Variants in LRRFIP1 observed in about 807,000 individuals in gnomAD.
The protein encoded by LRRFIP1 is LRR binding FLII interacting protein 1, also known as leucine-rich repeat flightless-interacting protein 1.
In LRRFIP1, 62 loss-of-function variants were observed where a neutral mutation model predicts 104.4. That is an observed-to-expected ratio of 0.59 (90% CI 0.48 to 0.73). LRRFIP1 has a LOEUF of 0.73. LRRFIP1 is among the 30% of genes least tolerant of loss of function. The pLI, the probability that LRRFIP1 is intolerant of heterozygous loss-of-function variation, is 0.00. For synonymous variants in LRRFIP1, 300 were observed against 299.0 expected (o/e 1.00, Z -0.03); for missense variants, 796 against 824.5 (o/e 0.97, Z 0.42).
chr2:237,627,703 C>T lies in LRRFIP1; in HGVS notation c.59C>T (p.Thr20Met), dbSNP rs1197080349. Residue 20 changes from threonine (T) to methionine (M), a missense_variant, in exon 1 of 24, where the codon ACG becomes ATG. By Grantham distance (81) the Thr-to-Met change is moderately conservative. Transcript: ENST00000308482. ...CGGCTCCCCAACCGGGAGCGGCTCA[C>T]GGCGGAGGACGACGCGCTCAACCAG... Reference protein sequence around the residue: ...RKRLPNRERLTAEDDALNQIA... With the variant: ...RKRLPNRERLMAEDDALNQIA... The T allele has an allele frequency of 5.1e-6, 7 of 1,367,100 alleles. No individual in the cohort carries two copies. Among genetic ancestry groups the T allele is most frequent in the South Asian group, 1.5e-5 (1 of 65,930 alleles). The allele number at this position is 1,367,100 out of a possible 1,614,324, so 84.7% of individuals were successfully genotyped here.
rs1474912434 is a variant in LRRFIP1, at chr2:237,738,490, G to A, written c.556-742G>A. On this transcript the variant is annotated intron_variant, in intron 10 of 23. Coordinates refer to ENST00000308482, the MANE Select transcript of LRRFIP1 (RefSeq NM_001137550.2). ...TTGAAGATGCTCCTCAGGACATGTC[G>A]GGATCCTAAATAGTGTTCAAATCCT... 2.6e-5 allele frequency among the ~76,000 whole-genome samples: 4 copies of A among 152,126 alleles called. No homozygotes were observed. The East Asian group carries it at 5.8e-4, about 22-fold the overall frequency.
intron 8 of LRRFIP1, among the ~76,000 whole-genome samples, chr2:237,730,937 C>T (rs957410313): frequency 1.3e-5 from 2 of 152,024 alleles, no homozygotes; most frequent in Non-Finnish European, 2.9e-5. Context: ...AACAAACAAA[C>T]AAACAAACAA....
rs1176180871 is a variant in LRRFIP1, at chr2:237,661,395, C to A, written c.96+33655C>A. Among the ~76,000 whole-genome samples the A allele has an allele frequency of 6.6e-6, 1 of 152,168 alleles. No individual in the cohort carries two copies. Among genetic ancestry groups the A allele is most frequent in the Non-Finnish European group, 1.5e-5 (1 of 68,024 alleles). On this transcript the variant is annotated intron_variant, in intron 1 of 23. Transcript: ENST00000308482. This position sits in a 1 kb window ranked among gnomAD's most constrained non-coding sequence, Gnocchi z 4.4. ...GTCCCTCTCCTCCTTAGAGCACAAGCCCTCTGATGCTCCCAGACAGTGGAA... is the reference window on the plus strand; with the variant it reads ...GTCCCTCTCCTCCTTAGAGCACAAGACCTCTGATGCTCCCAGACAGTGGAA...
In LRRFIP1 at chr2:237,680,619, G is replaced by A. The variant is rs543212999; in HGVS notation, c.97-27925G>A. ...CTAGAACCAATGCCCCTTGAATACC[G>A]AGGGACAACTGCATAATGCATTTCA... is the stretch of plus-strand genomic sequence containing the variant. On this transcript the variant is annotated intron_variant, in intron 1 of 23. Transcript: ENST00000308482. Among the ~76,000 whole-genome samples the A allele has an allele frequency of 5.3e-5, 8 of 152,308 alleles. No individual in the cohort carries two copies. The South Asian group carries it at 6.2e-4, about 12-fold the overall frequency.
rs561944934 is a variant in LRRFIP1 at position 237,743,414 on chromosome 2, ACTT to A, written c.633+4107_633+4109del. On this transcript the variant is annotated intron_variant, in intron 11 of 23. Coordinates refer to ENST00000308482, the MANE Select transcript of LRRFIP1 (RefSeq NM_001137550.2). ...TCCAGAGACCACCACCAGGGACAAG[ACTT>A]CAAGTTTTCTCCACCCACTTGGTCC... is the stretch of plus-strand genomic sequence containing the variant. Among the ~76,000 whole-genome samples, 8 of 152,286 alleles carry A rather than the reference ACTT, an allele frequency of 5.3e-5. No individual in the cohort carries two copies. The South Asian group carries it at 1.7e-3, about 32-fold the overall frequency.
chr2:237,674,695 T>C (rs2090870846), intron 1 of LRRFIP1, among the ~76,000 whole-genome samples: 1 of 152,200 alleles, frequency 6.6e-6, no homozygotes, highest in Non-Finnish European at 1.5e-5. Context: ...AATAAAAGGG[T>C]AGCATTACCT....
At chr2:237,655,800 C>T (rs2086721921) in intron 1 of LRRFIP1, among the ~76,000 whole-genome samples, 1 of 152,128 alleles carries the variant, frequency 6.6e-6, no homozygotes, top group Non-Finnish European at 1.5e-5. Context: ...AAGGGCAAAG[C>T]CCAACGCTGT....
chr2:237,697,439 C>T (rs888625175), intron 1 of LRRFIP1, among the ~76,000 whole-genome samples: 1 of 152,330 alleles, frequency 6.6e-6, no homozygotes, highest in South Asian at 2.1e-4. Flanking sequence ...TGTCGGCATA[C>T]ACCTGAGAGC....
At chr2:237,729,967 G>A (rs2094929268) in intron 8 of LRRFIP1, 1 of 297,578 alleles carries the variant, frequency 3.4e-6, no homozygotes, top group Admixed American at 6.5e-5. Flanking sequence ...ATTTTTGTTT[G>A]GGTAGCTGTG....
At chr2:237,702,255 G>A (rs574408243) in intron 1 of LRRFIP1, among the ~76,000 whole-genome samples, 4 of 152,298 alleles carry the variant, frequency 2.6e-5, no homozygotes, top group South Asian at 2.1e-4. Context: ...GTCGTGGTTC[G>A]GCTTTCTAGG....
chr2:237,741,008 A>G (rs1467623691), intron 11 of LRRFIP1, among the ~76,000 whole-genome samples: 2 of 152,148 alleles, frequency 1.3e-5, no homozygotes, highest in Non-Finnish European at 2.9e-5. Context: ...AGTTGCAGAC[A>G]CCCACTCTTG....
rs562593710 is a variant in LRRFIP1, at chr2:237,778,528, G to T, written c.1813-894G>T. Among the ~76,000 whole-genome samples the T allele has an allele frequency of 1.5e-4, 23 of 152,338 alleles. No individual in the cohort carries two copies. The South Asian group carries it at 4.6e-3, about 30-fold the overall frequency. The stretch of plus-strand genomic sequence containing the variant: ...GGCATTCCTGCCTTGGACTCTGGCT[G>T]CCAGGGCTGTGGGGACCACCTTCGC... On this transcript the variant is annotated intron_variant, in intron 23 of 23. Transcript: ENST00000308482.
intron 9 of LRRFIP1, among the ~76,000 whole-genome samples, chr2:237,734,088 C>T (rs2095141325): frequency 6.6e-6 from 1 of 152,138 alleles, no homozygotes. Context: ...AATGGAACAA[C>T]AGCAATGTTT....
intron 1 of LRRFIP1, among the ~76,000 whole-genome samples, chr2:237,700,907 C>T (rs897718657): frequency 6.6e-6 from 1 of 152,196 alleles, no homozygotes; most frequent in Admixed American, 6.5e-5. Flanking sequence ...TTCTCAGGAA[C>T]TGCCTGCCCT....
chr2:237,685,331 T>TA, intron 1 of LRRFIP1, among the ~76,000 whole-genome samples: 1 of 152,342 alleles, frequency 6.6e-6, no homozygotes, highest in African/African-American at 2.4e-5. Context: ...GAGATGAGTT[T>TA]AATTCCAGAG....
At position 237,701,371 on chromosome 2, in the gene LRRFIP1, C is replaced by T. The variant is rs3769102; in HGVS notation, c.97-7173C>T. Reference sequence around the variant, plus strand: ...TGTCCCCACCCTTAGGCAGTACTCCCACTGCCTACAACACCTCCAGCGCAG... The same window carrying T: ...TGTCCCCACCCTTAGGCAGTACTCCTACTGCCTACAACACCTCCAGCGCAG... On this transcript the variant is annotated intron_variant, in intron 1 of 23. Transcript: ENST00000308482. Among the ~76,000 whole-genome samples the T allele has an allele frequency of 1.9e-4, 29 of 152,374 alleles. No individual in the cohort carries two copies. In the East Asian group the frequency reaches 5.4e-3, roughly 28 times the overall value.
At chr2:237,739,867 A>T (rs11901262) in intron 11 of LRRFIP1, among the ~76,000 whole-genome samples, 61 of 152,022 alleles carry the variant, frequency 4.0e-4, no homozygotes, top group Admixed American at 6.6e-4. Flanking sequence ...TTGGAATTTG[A>T]CACAGTTTTA....
intron 1 of LRRFIP1, among the ~76,000 whole-genome samples, chr2:237,705,337 G>A (rs2093751448): frequency 6.6e-6 from 1 of 152,174 alleles, no homozygotes; most frequent in Non-Finnish European, 1.5e-5. Context: ...ATAACACACA[G>A]TTATGATCTC....
rs76222714 is a variant in LRRFIP1 at position 237,709,036 on chromosome 2, C to T, written c.183+406C>T. ...TTGTTTTATTTAAAAATATGTCCCC[C>T]GTGGTTTGTACAGTGTTGATCACAC... On this transcript the variant is annotated intron_variant, in intron 2 of 23. Coordinates refer to ENST00000308482, the MANE Select transcript of LRRFIP1 (RefSeq NM_001137550.2). Among the ~76,000 whole-genome samples the T allele has an allele frequency of 2.8e-3, 427 of 152,224 alleles. 9 individuals carry two copies. In the East Asian group the frequency reaches 0.046, roughly 16 times the overall value.
Sources: allele counts gnomAD v4.1 joint callset (sites outside exome capture counted in the v4.1 genomes callset), GRCh38; gene constraint gnomAD v4.1.1; non-coding constraint Gnocchi (gnomAD v3.1); transcripts MANE v1.5; gene names NCBI Gene and HGNC (gene_info 2026-07-23, HGNC 2026-07-21).